SDK1: variants seen among roughly 807,000 people sequenced by gnomAD.
The protein encoded by SDK1 is sidekick cell adhesion molecule 1.
SDK1 carries 157 observed loss-of-function variants against 245.5 expected under a neutral mutation model. The ratio of observed to expected loss-of-function variants is 0.64; its 90% confidence interval spans 0.56 to 0.73. SDK1 has a LOEUF of 0.73. SDK1 is among the 30% of genes least tolerant of loss of function. The pLI is 0.00. For missense variants in SDK1, 3,583 were observed against 3,002.3 expected (o/e 1.19, Z -4.52); for synonymous variants, 1,647 against 1,278.5 (o/e 1.29, Z -6.15).
intron 1 of SDK1, among the ~76,000 whole-genome samples, chr7:3,330,561 T>C (rs922072159): frequency 3.9e-5 from 6 of 152,164 alleles, no homozygotes; most frequent in African/African-American, 7.2e-5. Flanking sequence ...TGTTTTGTCA[T>C]GTGATGCGTC....
At chr7:3,632,056 G>A (rs953467463) in intron 2 of SDK1, among the ~76,000 whole-genome samples, 2 of 152,082 alleles carry the variant, frequency 1.3e-5, no homozygotes, top group African/African-American at 4.8e-5. Context: ...TAGAGAACCT[G>A]GCATTATAAA....
intron 9 of SDK1, among the ~76,000 whole-genome samples, chr7:3,963,795 C>A (rs1420421926): frequency 1.3e-5 from 2 of 151,430 alleles, no homozygotes; most frequent in Non-Finnish European, 2.9e-5. Flanking sequence ...AGCTACCTGA[C>A]CTGGACGTAT....
At chr7:3,598,724 T>G (rs1426900023) in intron 1 of SDK1, among the ~76,000 whole-genome samples, 1 of 152,232 alleles carries the variant, frequency 6.6e-6, no homozygotes, top group Non-Finnish European at 1.5e-5. Context: ...TGTGACCTTT[T>G]GGGATCACAT....
chr7:3,606,037 A>C (rs1193455252), intron 1 of SDK1, among the ~76,000 whole-genome samples: 2 of 152,168 alleles, frequency 1.3e-5, no homozygotes, highest in African/African-American at 4.8e-5. Context: ...CACTTCATGA[A>C]TCTAACTGCT....
At chr7:3,324,271 G>T (rs924994365) in intron 1 of SDK1, among the ~76,000 whole-genome samples, 3 of 152,120 alleles carry the variant, frequency 2.0e-5, no homozygotes, top group Non-Finnish European at 4.4e-5. Context: ...ATATGGAAAG[G>T]AAGACAAATA....
At chr7:3,313,393 G>A (rs777985987) in intron 1 of SDK1, among the ~76,000 whole-genome samples, 7 of 152,144 alleles carry the variant, frequency 4.6e-5, no homozygotes, top group Admixed American at 6.5e-5. Context: ...GCGACGGAGC[G>A]AGACTCCATC....
chr7:3,320,910 C>T (rs933101880), intron 1 of SDK1, among the ~76,000 whole-genome samples: 19 of 151,650 alleles, frequency 1.3e-4, no homozygotes, highest in Non-Finnish European at 2.1e-4. Context: ...AAAAAAAATC[C>T]AGCTAGGACT....
intron 4 of SDK1, among the ~76,000 whole-genome samples, chr7:3,810,123 G>T (rs146943092): frequency 6.6e-6 from 1 of 152,310 alleles, no homozygotes; most frequent in East Asian, 1.9e-4. Flanking sequence ...ACTGCTGTTT[G>T]CAGAGTATCC....
At chr7:3,998,705 G>GA (rs1345205179) in intron 14 of SDK1, among the ~76,000 whole-genome samples, 5 of 152,184 alleles carry the variant, frequency 3.3e-5, no homozygotes, top group Admixed American at 2.6e-4. Context: ...TGTTTTCTAT[G>GA]AATTAGGAGT....
At chr7:3,833,770 T>C (rs1262203017) in intron 5 of SDK1, among the ~76,000 whole-genome samples, 3 of 152,236 alleles carry the variant, frequency 2.0e-5, no homozygotes, top group African/African-American at 7.2e-5. Context: ...CTGAGTCTTT[T>C]GTTTCTTTGT....
chr7:3,607,020 A>T (rs1007103832), intron 1 of SDK1, among the ~76,000 whole-genome samples: 1 of 152,190 alleles, frequency 6.6e-6, no homozygotes, highest in Non-Finnish European at 1.5e-5. Flanking sequence ...TGCTGTTTTG[A>T]TAAAAAGAGA....
At chr7:4,155,342 C>T (rs1350823046) in intron 30 of SDK1, among the ~76,000 whole-genome samples, 1 of 152,230 alleles carries the variant, frequency 6.6e-6, no homozygotes, top group Non-Finnish European at 1.5e-5. Context: ...ACCCTGCTCT[C>T]TGTCCTCCTT....
intron 40 of SDK1, chr7:4,227,506 G>C: frequency 4.3e-6 from 2 of 462,800 alleles, no homozygotes; most frequent in Non-Finnish European, 8.9e-6. Context: ...AACCTGGATT[G>C]GCCATTCATA....
chr7:3,525,913 G>T (rs971898400), intron 1 of SDK1, among the ~76,000 whole-genome samples: 2 of 152,102 alleles, frequency 1.3e-5, no homozygotes, highest in African/African-American at 4.8e-5. Flanking sequence ...AATAGAGATT[G>T]AGATAATATA....
chr7:4,230,062 AG>A (rs1785652240), intron 40 of SDK1, among the ~76,000 whole-genome samples: 1 of 132,136 alleles, frequency 7.6e-6, no homozygotes, highest in Admixed American at 7.7e-5. Context: ...GAAGGAAGGA[AG>A]GAAGGAAGGA....
rs34922402 is a variant in SDK1, at chr7:3,684,762, GAA to G, written c.713+42667_713+42668del. 1.0e-3 allele frequency among the ~76,000 whole-genome samples: 156 copies of G among 149,854 alleles called. 1 individual carries two copies. Among genetic ancestry groups the G allele is most frequent in the African/African-American group, 1.6e-3 (67 of 40,842 alleles). On this transcript the variant is annotated intron_variant, in intron 4 of 44. Transcript: ENST00000404826. ...AATTTTGAATTCTCTTGAAATAAATGAAAAAAAAAAATAGAAAATCTTAGCAC... is the reference window on the plus strand; with the variant it reads ...AATTTTGAATTCTCTTGAAATAAATGAAAAAAAAATAGAAAATCTTAGCAC...
At chr7:4,192,647 G>A (rs1452564465) in intron 35 of SDK1, among the ~76,000 whole-genome samples, 1 of 152,118 alleles carries the variant, frequency 6.6e-6, no homozygotes, top group African/African-American at 2.4e-5. Context: ...ACAGATTATG[G>A]TATCGTAGAA....
intron 17 of SDK1, among the ~76,000 whole-genome samples, chr7:4,036,755 T>G (rs1451285606): frequency 6.6e-6 from 1 of 152,114 alleles, no homozygotes; most frequent in Admixed American, 6.6e-5. Context: ...CATATGAGAT[T>G]ACAGTTAGAA....
At chr7:4,107,564 G>C (rs1165553978) in intron 22 of SDK1, among the ~76,000 whole-genome samples, 1 of 151,912 alleles carries the variant, frequency 6.6e-6, no homozygotes, top group African/African-American at 2.4e-5. Flanking sequence ...CAGAGGACTG[G>C]TTTCACTAAG....
Sources: gnomAD v4.1 joint callset for allele counts (sites outside exome capture counted in the v4.1 genomes callset) on GRCh38, gnomAD v4.1.1 for gene constraint, MANE v1.5 for transcripts, NCBI Gene and HGNC (gene_info 2026-07-23, HGNC 2026-07-21) for gene names.